The following SLC8A1 variants were observed in gnomAD, a reference collection of about 807,000 sequenced individuals.
SLC8A1 encodes solute carrier family 8 member A1, also known as sodium/calcium exchanger 1.
A neutral mutation model predicts 68.3 loss-of-function variants in SLC8A1; 18 were observed. That is an observed-to-expected ratio of 0.26 (90% CI 0.18 to 0.39). The LOEUF is 0.39. Ranked by LOEUF, SLC8A1 falls within the 10% of genes least tolerant of loss-of-function variation. The pLI is 1.00. For missense variants in SLC8A1, 985 were observed against 1,156.7 expected (o/e 0.85, Z 2.15); for synonymous variants, 475 against 415.5 (o/e 1.14, Z -1.74).
At chr2:40,098,311 G>C (rs1327405551) in exon 8 of SLC8A1, 8 of 152,014 alleles carry the variant, frequency 5.3e-5, no homozygotes, top group Non-Finnish European at 1.0e-4. Flanking sequence ...AAAGACATCA[G>C]TTTGAACAAA....
intron 2 of SLC8A1, among the ~76,000 whole-genome samples, chr2:40,221,254 C>T (rs2058291685): frequency 6.6e-6 from 1 of 152,146 alleles, no homozygotes; most frequent in South Asian, 2.1e-4. Context: ...CATAATACAA[C>T]ACATAAACAG....
intron 2 of SLC8A1, among the ~76,000 whole-genome samples, chr2:40,347,015 A>T (rs1009968222): frequency 6.6e-6 from 1 of 152,204 alleles, no homozygotes; most frequent in African/African-American, 2.4e-5. Flanking sequence ...TTGTACATAC[A>T]TCAAAGCACA....
chr2:40,221,558 AG>A (rs1348367395), intron 2 of SLC8A1, among the ~76,000 whole-genome samples: 11 of 152,202 alleles, frequency 7.2e-5, no homozygotes, highest in African/African-American at 2.4e-4. Context: ...AAAGAAATAA[AG>A]GGTATTTGAA....
At chr2:40,274,322 A>C (rs900814765) in intron 2 of SLC8A1, among the ~76,000 whole-genome samples, 5 of 151,650 alleles carry the variant, frequency 3.3e-5, no homozygotes, top group Admixed American at 1.3e-4. Context: ...ATAAACACAT[A>C]ATTTCTGGGA....
chr2:40,434,646 G>C (rs1490285836), intron 1 of SLC8A1, among the ~76,000 whole-genome samples: 2 of 152,110 alleles, frequency 1.3e-5, no homozygotes, highest in Admixed American at 6.6e-5. Context: ...GGTGGATTCA[G>C]ATCAACTCGT....
intron 1 of SLC8A1, among the ~76,000 whole-genome samples, chr2:40,465,319 T>C (rs1166919261): frequency 1.3e-5 from 2 of 152,148 alleles, no homozygotes; most frequent in African/African-American, 2.4e-5. Context: ...ATTACATATA[T>C]ATATAGTATT....
intron 2 of SLC8A1, among the ~76,000 whole-genome samples, chr2:40,223,044 T>C (rs2058538852): frequency 6.6e-6 from 1 of 152,218 alleles, no homozygotes; most frequent in Admixed American, 6.5e-5. Flanking sequence ...TTATAAATCA[T>C]GCTACTAGAA....
chr2:40,357,517 AC>A (rs1673077469), intron 2 of SLC8A1, among the ~76,000 whole-genome samples: 1 of 151,014 alleles, frequency 6.6e-6, no homozygotes, highest in African/African-American at 2.4e-5. Context: ...AAAAAAAAAA[AC>A]ACAAGATGTA....
chr2:40,334,155 A>C (rs79673126), intron 2 of SLC8A1, among the ~76,000 whole-genome samples: 2,506 of 152,346 alleles, frequency 0.016, 66 homozygotes, highest in African/African-American at 0.056. Context: ...AATTAGCTAA[A>C]AGGAGCCTTA....
chr2:40,451,699 GGA>G (rs1702518417), intron 1 of SLC8A1, among the ~76,000 whole-genome samples: 1 of 149,028 alleles, frequency 6.7e-6, no homozygotes, highest in African/African-American at 2.5e-5. Context: ...TGGGAAGCGC[GGA>G]CACCCAGAAA....
chr2:40,392,230 AAAAG>A (rs1243438102), intron 2 of SLC8A1, among the ~76,000 whole-genome samples: 4 of 150,918 alleles, frequency 2.7e-5, no homozygotes, highest in Non-Finnish European at 5.9e-5. Context: ...AAGAGAAAGA[AAAAG>A]AAAGAGAAAG....
intron 6 of SLC8A1, among the ~76,000 whole-genome samples, chr2:40,142,073 A>G (rs2041673648): frequency 6.6e-6 from 1 of 152,210 alleles, no homozygotes; most frequent in African/African-American, 2.4e-5. Flanking sequence ...AAACTACAGC[A>G]GCCCTTCAGA....
At position 40,199,005 on chromosome 2, in the gene SLC8A1, C is replaced by A. The variant is rs117034463; in HGVS notation, c.1809-21150G>T. Among the ~76,000 whole-genome samples the A allele has an allele frequency of 1.2e-4, 18 of 150,896 alleles. No homozygotes were observed. In the East Asian group the frequency reaches 3.1e-3, roughly 26 times the overall value. On this transcript the variant is annotated intron_variant, in intron 2 of 7. Transcript: ENST00000406785. ...CATAACATGAATGTTCTATTGTAAG[C>A]TTCTTGATGGAAGGCATTATATTTT...
chr2:40,208,134 A>G (rs2055850008), intron 2 of SLC8A1, among the ~76,000 whole-genome samples: 1 of 152,116 alleles, frequency 6.6e-6, no homozygotes, highest in East Asian at 1.9e-4. Context: ...AGGCGCAGGA[A>G]AAATAAAGGG....
rs879261379 is a variant in SLC8A1 at position 40,451,749 on chromosome 2, A to T, written c.-25+155T>A. On this transcript the variant is annotated intron_variant, in intron 1 of 7. Transcript: ENST00000406785. ...CGCACACACCACATCACACACACAC[A>T]CACACACACACACACACACACACAC... Among the ~76,000 whole-genome samples, 254 of 144,450 alleles carry T rather than the reference A, an allele frequency of 1.8e-3. 1 individual carries two copies. Among genetic ancestry groups the T allele is most frequent in the Admixed American group, 8.7e-3 (128 of 14,690 alleles). The allele number at this position is 144,450 out of a possible 152,430, so 94.8% of individuals were successfully genotyped here.
At chr2:40,126,414 A>G (rs1001132807) in intron 7 of SLC8A1, among the ~76,000 whole-genome samples, 8 of 152,316 alleles carry the variant, frequency 5.3e-5, no homozygotes, top group Admixed American at 5.2e-4. Flanking sequence ...GTCCTAACTA[A>G]TCCAGAATAT....
intron 6 of SLC8A1, among the ~76,000 whole-genome samples, chr2:40,154,286 A>G (rs1180888765): frequency 7.2e-6 from 1 of 139,518 alleles, no homozygotes; most frequent in East Asian, 2.2e-4. Context: ...TTTTTAATTT[A>G]TTTTTATTTA....
chr2:40,471,268 GT>G (rs565472802), intron 1 of SLC8A1, among the ~76,000 whole-genome samples: 1 of 152,086 alleles, frequency 6.6e-6, no homozygotes, highest in Non-Finnish European at 1.5e-5. Flanking sequence ...TGGACCCAGG[GT>G]TTTTTTACTG....
intron 2 of SLC8A1, among the ~76,000 whole-genome samples, chr2:40,273,958 C>A (rs975915761): frequency 6.6e-6 from 1 of 150,810 alleles, no homozygotes; most frequent in Non-Finnish European, 1.5e-5. Context: ...GGGGCTCTGT[C>A]CCCCAAGGCT....
Sources: gnomAD v4.1 joint callset for allele counts (sites outside exome capture counted in the v4.1 genomes callset) on GRCh38, gnomAD v4.1.1 for gene constraint, MANE v1.5 for transcripts, NCBI Gene and HGNC (gene_info 2026-07-23, HGNC 2026-07-21) for gene names.